ADGRL3: variants seen among roughly 807,000 people sequenced by gnomAD.
ADGRL3 encodes adhesion G protein-coupled receptor L3.
Under a neutral mutation model 153.5 loss-of-function variants are expected in ADGRL3, and 62 were observed. The ratio of observed to expected loss-of-function variants is 0.40; its 90% CI spans 0.33 to 0.50. The LOEUF is 0.50. Among genes scored for constraint, ADGRL3 ranks in the 20% least tolerant of loss-of-function variants. ADGRL3 has a pLI of 0.47. For synonymous variants in ADGRL3, 710 were observed against 672.5 expected (o/e 1.06, Z -0.86); for missense variants, 1,641 against 1,859.4 (o/e 0.88, Z 2.16).
chr4:61,885,471 A>G (rs2098533215), intron 9 of ADGRL3, among the ~76,000 whole-genome samples: 1 of 152,182 alleles, frequency 6.6e-6, no homozygotes, highest in African/African-American at 2.4e-5. Context: ...CTGTAAAATA[A>G]TGATAATTAA....
chr4:61,971,306 G>A (rs947999474), intron 17 of ADGRL3, among the ~76,000 whole-genome samples: 75 of 151,622 alleles, frequency 4.9e-4, no homozygotes, highest in African/African-American at 4.4e-4. Flanking sequence ...ATCCCTCCCC[G>A]CTCCCACCAC....
At chr4:61,883,038 C>G (rs1224150305) in intron 9 of ADGRL3, among the ~76,000 whole-genome samples, 5 of 152,152 alleles carry the variant, frequency 3.3e-5, no homozygotes, top group Admixed American at 3.3e-4. Context: ...ATTGCTTGAA[C>G]CCAGGAGGCA....
At chr4:61,871,547 A>G (rs2098445633) in intron 9 of ADGRL3, among the ~76,000 whole-genome samples, 1 of 152,172 alleles carries the variant, frequency 6.6e-6, no homozygotes, top group East Asian at 1.9e-4. Flanking sequence ...TTCCATTTAT[A>G]TGAAATCTCT....
intron 1 of ADGRL3, among the ~76,000 whole-genome samples, chr4:61,258,835 A>G (rs376290604): frequency 2.6e-5 from 4 of 152,200 alleles, no homozygotes; most frequent in African/African-American, 7.2e-5. Flanking sequence ...CACAAAAATA[A>G]ACAAAATAAC....
chr4:61,524,571 G>A (rs2098548703), intron 4 of ADGRL3, among the ~76,000 whole-genome samples: 1 of 151,990 alleles, frequency 6.6e-6, no homozygotes, highest in African/African-American at 2.4e-5. Context: ...AGTCAGATTT[G>A]TTTCAGTCTC....
chr4:61,576,026 G>A (rs375934640), intron 4 of ADGRL3, among the ~76,000 whole-genome samples: 1 of 151,740 alleles, frequency 6.6e-6, no homozygotes, highest in African/African-American at 2.4e-5. Context: ...TATAATCCTT[G>A]GTAAAGCCTT....
At chr4:62,037,659 C>T (rs1454890866) in intron 23 of ADGRL3, 72 bp from the exon 24 acceptor site, 4 of 1,504,642 alleles carry the variant, frequency 2.7e-6, no homozygotes, top group Admixed American at 3.4e-5. Flanking sequence ...ATAAAACTCA[C>T]ATACATTGTC....
At chr4:61,490,940 T>G (rs895467259) in intron 2 of ADGRL3, among the ~76,000 whole-genome samples, 16 of 152,112 alleles carry the variant, frequency 1.1e-4, no homozygotes, top group Admixed American at 1.3e-4. Context: ...ACATTGTAAA[T>G]TATAGCTAAA....
intron 1 of ADGRL3, among the ~76,000 whole-genome samples, chr4:61,205,459 A>G (rs1252418956): frequency 6.6e-6 from 1 of 152,144 alleles, no homozygotes; most frequent in South Asian, 2.1e-4. Context: ...GCAAATGGCT[A>G]TTTTGCCTTC....
At chr4:61,722,647 A>G (rs1031515615) in intron 6 of ADGRL3, among the ~76,000 whole-genome samples, 20 of 152,338 alleles carry the variant, frequency 1.3e-4, no homozygotes, top group African/African-American at 4.8e-4. Context: ...TTCTTTAGAA[A>G]TTGACATGTA....
At chr4:61,962,521 AATG>A (rs2098991763) in intron 17 of ADGRL3, among the ~76,000 whole-genome samples, 1 of 152,014 alleles carries the variant, frequency 6.6e-6, no homozygotes, top group African/African-American at 2.4e-5. Context: ...CTTTCATGAG[AATG>A]ATATTTTGTA....
intron 8 of ADGRL3, among the ~76,000 whole-genome samples, chr4:61,760,745 C>G (rs1380791653): frequency 6.6e-6 from 1 of 152,232 alleles, no homozygotes; most frequent in Non-Finnish European, 1.5e-5. Context: ...TCTTCTGGGT[C>G]GCTCATGCTG....
chr4:61,874,308 C>A (rs2098461573), intron 9 of ADGRL3, among the ~76,000 whole-genome samples: 1 of 152,146 alleles, frequency 6.6e-6, no homozygotes, highest in Non-Finnish European at 1.5e-5. Flanking sequence ...AGCTCCTTGT[C>A]CCATGGCTCT....
chr4:61,934,576 G>A, intron 13 of ADGRL3, among the ~76,000 whole-genome samples: 1 of 152,094 alleles, frequency 6.6e-6, no homozygotes, highest in Non-Finnish European at 1.5e-5. Flanking sequence ...TTGTGCTATT[G>A]ATTCTAAGAA....
chr4:62,070,742 AC>A lies in ADGRL3; in HGVS notation c.4467del (p.Tyr1489Ter). ...TGTGGTGATGCCGAAGATGTTTACT[AC>A]AAAAGCATGCCAAACCTAGGCTCCA... ...AKCGDAEDVY[Y>X]KSMPNLGSRN... On this transcript the variant is annotated frameshift_variant, in exon 27 of 27. Coordinates refer to ENST00000683033, the MANE Select transcript of ADGRL3 (RefSeq NM_001387552.1). LOFTEE classifies it high-confidence loss of function. 6.4e-7 allele frequency: 1 copy of A among 1,551,652 alleles called. No individual in the cohort carries two copies. Among genetic ancestry groups the A allele is most frequent in the South Asian group, 1.2e-5 (1 of 84,056 alleles).
chr4:61,742,743 C>G (rs563661024), intron 8 of ADGRL3, among the ~76,000 whole-genome samples: 2 of 152,132 alleles, frequency 1.3e-5, no homozygotes, highest in African/African-American at 4.8e-5. Flanking sequence ...ATTCAAGATA[C>G]GTAAATGACA....
At chr4:61,419,317 A>G in intron 2 of ADGRL3, among the ~76,000 whole-genome samples, 1 of 150,966 alleles carries the variant, frequency 6.6e-6, no homozygotes. Flanking sequence ...ACATTGAAAT[A>G]AATGTGAGCT....
chr4:62,057,136 T>C (rs1737458477), intron 25 of ADGRL3, among the ~76,000 whole-genome samples: 1 of 152,164 alleles, frequency 6.6e-6, no homozygotes, highest in Non-Finnish European at 1.5e-5. Context: ...GAATTATGTT[T>C]CTGAATGATA....
chr4:61,916,677 A>C (rs771066133), intron 13 of ADGRL3, among the ~76,000 whole-genome samples: 3 of 152,146 alleles, frequency 2.0e-5, no homozygotes, highest in Non-Finnish European at 4.4e-5. Context: ...TTTGTTATTA[A>C]GAATAAATTA....
Sources: gnomAD v4.1 joint callset for allele counts (sites outside exome capture counted in the v4.1 genomes callset) on GRCh38, gnomAD v4.1.1 for gene constraint, MANE v1.5 for transcripts, NCBI Gene and HGNC (gene_info 2026-07-23, HGNC 2026-07-21) for gene names.